DBF4B: variants seen among roughly 807,000 people sequenced by gnomAD.
DBF4B encodes the protein protein DBF4 homolog B.
Under a neutral mutation model 53.4 loss-of-function variants are expected in DBF4B, and 49 were observed. That is an observed-to-expected ratio of 0.92 (90% confidence interval 0.73 to 1.16). The LOEUF (loss-of-function observed/expected upper bound fraction) is 1.16. Among genes scored for constraint, DBF4B ranks in the 50% most tolerant of loss-of-function variants. The pLI is 0.00. For synonymous variants in DBF4B, 257 were observed against 288.7 expected (o/e 0.89, Z 1.11); for missense variants, 692 against 775.0 (o/e 0.89, Z 1.27).
intron 13 of DBF4B, chr17:44,748,835 T>C: frequency 7.7e-7 from 1 of 1,293,146 alleles, no homozygotes; most frequent in Non-Finnish European, 1.0e-6. Flanking sequence ...CTTCCCTCTC[T>C]TCCCCTTACA....
intron 13 of DBF4B, chr17:44,750,227 G>T (rs1003030527): frequency 6.0e-5 from 61 of 1,019,360 alleles, no homozygotes; most frequent in Non-Finnish European, 7.0e-5. Flanking sequence ...GACAGAAATG[G>T]GTTTGCTATC....
intron 13 of DBF4B, chr17:44,750,177 G>T (rs2049244108): frequency 2.0e-6 from 2 of 999,642 alleles, no homozygotes; most frequent in South Asian, 8.9e-5. Flanking sequence ...CTTCCCCAAG[G>T]ACCTCCCCCC....
At position 44,746,939 on chromosome 17, in the gene DBF4B, A is replaced by G. The variant is rs2049110178; in HGVS notation, c.831-144A>G. 5 of 702,664 alleles carry G rather than the reference A, an allele frequency of 7.1e-6. No individual in the cohort carries two copies. In the Admixed American group the frequency reaches 1.1e-4, roughly 16 times the overall value. 43.5% of individuals were successfully genotyped at this position (702,664 alleles called of 1,614,324 possible). On this transcript the variant is annotated intron_variant, in intron 10 of 13. Transcript: ENST00000315005. ...TAGATGATTGGTACCAAGCTCAGGGAAGGCCTGCCTGCCGGTGCCTGCACA... is the reference window on the plus strand; with the variant it reads ...TAGATGATTGGTACCAAGCTCAGGGGAGGCCTGCCTGCCGGTGCCTGCACA...
In DBF4B at chr17:44,741,440, T is replaced by C. The variant is rs1384675182; in HGVS notation, c.818T>C (p.Met273Thr). ...GAGGCCCCGACGACCCTGGGCAGCA[T>C]GCACCATACCAGGTGGGTCTTTCTG... The part of the protein sequence containing the change: ...PFEAPTTLGS[M>T]HHTRESKDGE... Residue 273 changes from methionine to threonine, a missense_variant, in exon 10 of 14, where the codon ATG becomes ACG. Transcript: ENST00000315005. The C allele has an allele frequency of 1.2e-6, 2 of 1,609,004 alleles. No homozygotes were observed. The highest frequency in any genetic ancestry group is 1.1e-5 in the South Asian group (1 of 90,386).
chr17:44,738,490 G>A (rs1975684914), intron 9 of DBF4B, 66 bp downstream of exon 9: 1 of 1,529,212 alleles, frequency 6.5e-7, no homozygotes, highest in South Asian at 1.2e-5. Flanking sequence ...GGAGGGAGGG[G>A]TGCTCAGGGG....
intron 2 of DBF4B, 108 bp from the exon 3 acceptor site, chr17:44,722,772 T>C (rs1598784950): frequency 3.2e-6 from 4 of 1,255,346 alleles, no homozygotes; most frequent in Admixed American, 4.2e-5. Flanking sequence ...GTGCCCAGGG[T>C]CTAGTCTGTG....
At chr17:44,745,437 A>G (rs1227996317) in intron 10 of DBF4B, among the ~76,000 whole-genome samples, 2 of 152,214 alleles carry the variant, frequency 1.3e-5, no homozygotes, top group Non-Finnish European at 1.5e-5. Flanking sequence ...ACAGTTCAGC[A>G]TGGCTGGGGA....
intron 8 of DBF4B, among the ~76,000 whole-genome samples, chr17:44,737,220 C>G (rs1205162841): frequency 1.3e-5 from 2 of 152,086 alleles, no homozygotes; most frequent in East Asian, 3.9e-4. Flanking sequence ...AGCTGCCTAC[C>G]GTTTTCAGAA....
chr17:44,730,207 C>A, intron 4 of DBF4B, 111 bp downstream of exon 4: 2 of 1,187,982 alleles, frequency 1.7e-6, no homozygotes, highest in Non-Finnish European at 1.2e-6. Context: ...TTTAATCTCT[C>A]ATTTGAATTC....
At chr17:44,739,598 A>G (rs1210229421) in intron 9 of DBF4B, among the ~76,000 whole-genome samples, 1 of 152,218 alleles carries the variant, frequency 6.6e-6, no homozygotes, top group Non-Finnish European at 1.5e-5. Context: ...CTTCACACCT[A>G]TTTAAATGTA....
Position 44,751,174 on chromosome 17 carries a change from T to C in DBF4B, c.1769T>C (p.Leu590Pro), listed in dbSNP as rs780075984. ...SYLNDHDLGH[L>P]CQAKPQGWNT... ...CTCAATGATCATGACCTTGGACATC[T>C]CTGCCAGGCCAAACCCCAAGGCTGG... The change falls in exon 14 of 14, where the codon CTC becomes CCC. Residue 590 changes from leucine (L) to proline (P), a missense_variant. Around this residue, in one of 3 missense-constraint regions of DBF4B, gnomAD observed 597 missense variants for 665.8 expected, o/e 0.90. Transcript: ENST00000315005. 1.2e-6 allele frequency: 2 copies of C among 1,614,072 alleles called. No individual in the cohort carries two copies. Among genetic ancestry groups the C allele is most frequent in the Admixed American group, 1.7e-5 (1 of 60,018 alleles).
rs376477556 is a variant in DBF4B at position 44,713,370 on chromosome 17, C to T, written c.82+4004C>T. On this transcript the variant is annotated intron_variant, in intron 2 of 13. Coordinates refer to ENST00000315005, the MANE Select transcript of DBF4B (RefSeq NM_145663.3). ...TTATTTTCATTATGTAAACATTATTCGGCCGGGCGCGGTGGCTCATACCTG... is the reference window on the plus strand; with the variant it reads ...TTATTTTCATTATGTAAACATTATTTGGCCGGGCGCGGTGGCTCATACCTG... Among the ~76,000 whole-genome samples, 23 of 149,268 alleles carry T rather than the reference C, an allele frequency of 1.5e-4. No individual in the cohort carries two copies. The East Asian group carries it at 2.1e-3, about 14-fold the overall frequency.
rs2049235609 is a variant in DBF4B, at chr17:44,749,907, C to G, written c.1190-688C>G. 9.6e-7 allele frequency: 1 copy of G among 1,037,328 alleles called. No homozygotes were observed. Among genetic ancestry groups the G allele is most frequent in the Admixed American group, 5.0e-5 (1 of 20,044 alleles). 64.3% of individuals were successfully genotyped at this position (1,037,328 alleles called of 1,614,324 possible). On this transcript the variant is annotated intron_variant, in intron 13 of 13. Transcript: ENST00000315005. This position sits in a 1 kb window ranked among gnomAD's most constrained non-coding sequence, Gnocchi z 4.4. ...TCCCCCAGCCCCCCACGCTCCCGCA[C>G]ACAGATCCTCAGGAACATATGAAGC... is the stretch of plus-strand genomic sequence containing the variant.
chr17:44,742,253 A>C (rs556128442), intron 10 of DBF4B, among the ~76,000 whole-genome samples: 10 of 151,874 alleles, frequency 6.6e-5, no homozygotes, highest in East Asian at 3.9e-4. Context: ...AATGCAACAA[A>C]AAAAAAATTA....
chr17:44,722,042 G>C (rs1973896001), intron 2 of DBF4B, among the ~76,000 whole-genome samples: 1 of 151,992 alleles, frequency 6.6e-6, no homozygotes, highest in African/African-American at 2.4e-5. Flanking sequence ...GCTGAGGCAA[G>C]TGAATCGCTT....
intron 7 of DBF4B, among the ~76,000 whole-genome samples, chr17:44,735,350 C>T (rs974752841): frequency 2.7e-4 from 41 of 152,182 alleles, no homozygotes; most frequent in African/African-American, 9.7e-4. Flanking sequence ...CCCTTCTATG[C>T]AGATACACAG....
Position 44,734,960 on chromosome 17 carries a change from C to T in DBF4B, c.630+797C>T, listed in dbSNP as rs77076370. Among the ~76,000 whole-genome samples the T allele has an allele frequency of 4.7e-4, 71 of 152,220 alleles. 1 individual carries two copies. The East Asian group carries it at 9.7e-3, about 21-fold the overall frequency. ...CTGTGCTAAAAATACAAAAATTAGC[C>T]GGGCGTGGTGGCACATGCCTGTAAT... On this transcript the variant is annotated intron_variant, in intron 7 of 13. Coordinates refer to ENST00000315005, the MANE Select transcript of DBF4B (RefSeq NM_145663.3).
intron 3 of DBF4B, among the ~76,000 whole-genome samples, chr17:44,727,343 C>T (rs777995949): frequency 1.9e-4 from 29 of 151,856 alleles, no homozygotes; most frequent in African/African-American, 6.3e-4. Context: ...CGCTTGGACC[C>T]GGGAGGCAGA....
Position 44,752,067 on chromosome 17 carries a change from T to G in DBF4B, c.*814T>G. The G allele has an allele frequency of 1.4e-6, 2 of 1,383,022 alleles. No homozygotes were observed. Among genetic ancestry groups the G allele is most frequent in the Non-Finnish European group, 2.0e-6 (2 of 1,008,242 alleles). The allele number at this position is 1,383,022 out of a possible 1,614,324, so 85.7% of individuals were successfully genotyped here. A position where few individuals can be genotyped will look rare whatever the true frequency, so the allele number is the denominator to read the frequency against. ...CTCTTCTCGCTGAGCCTTTCACTTC[T>G]CGGCAGATGTGACCGATTGGTAGCT... On this transcript the variant is annotated 3_prime_UTR_variant, in exon 14 of 14. Coordinates refer to ENST00000315005, the MANE Select transcript of DBF4B (RefSeq NM_145663.3).
Sources: gnomAD v4.1 joint callset for allele counts (sites outside exome capture counted in the v4.1 genomes callset) on GRCh38, gnomAD v4.1.1 for gene constraint, gnomAD v4.1.1 regional missense constraint, Gnocchi (gnomAD v3.1) non-coding constraint, MANE v1.5 for transcripts, NCBI Gene and HGNC (gene_info 2026-07-23, HGNC 2026-07-21) for gene names.